Variants in NAV3 observed in about 807,000 individuals in gnomAD.
The protein encoded by NAV3 is pore membrane and/or filament interacting like protein 1.
Under a neutral mutation model 244.7 loss-of-function variants are expected in NAV3, and 87 were observed. The ratio of observed to expected loss-of-function variants is 0.36; its 90% CI spans 0.30 to 0.42. The LOEUF (loss-of-function observed/expected upper bound fraction) is 0.42. Ranked by LOEUF, NAV3 falls within the 20% of genes least tolerant of loss-of-function variation. The pLI, the probability that NAV3 is intolerant of heterozygous loss-of-function variation, is 1.00. For synonymous variants in NAV3, 1,126 were observed against 1,042.2 expected, an observed-to-expected ratio of 1.08 and a Z score of -1.55; for missense variants, 2,663 against 2,893.3, an observed-to-expected ratio of 0.92 and a Z score of 1.83.
intron 2 of NAV3, among the ~76,000 whole-genome samples, chr12:77,587,632 C>T (rs1217822954): frequency 6.6e-6 from 1 of 152,088 alleles, no homozygotes; most frequent in Non-Finnish European, 1.5e-5. Flanking sequence ...AGTTAGACAA[C>T]TTTAGTTACA....
At chr12:77,580,630 C>T (rs1254336547) in intron 2 of NAV3, among the ~76,000 whole-genome samples, 1 of 152,158 alleles carries the variant, frequency 6.6e-6, no homozygotes, top group Non-Finnish European at 1.5e-5. Context: ...ATTCATGGTA[C>T]ATTTTAATAG....
At chr12:77,888,661 C>CTGGTTGAATTATCTAATA (rs1213346266) in intron 1 of NAV3, among the ~76,000 whole-genome samples, 13 of 152,032 alleles carry the variant, frequency 8.6e-5, no homozygotes, top group Non-Finnish European at 1.5e-4. Context: ...GAGTCAATTC[C>CTGGTTGAATTATCTAATA]TGGTTGAATT....
intron 2 of NAV3, among the ~76,000 whole-genome samples, chr12:77,805,883 G>T (rs1871951689): frequency 6.6e-6 from 1 of 152,064 alleles, no homozygotes. Flanking sequence ...CTTCTTCCTG[G>T]TTTAGTCTTG....
At chr12:77,954,785 A>G (rs1456656885) in intron 3 of NAV3, among the ~76,000 whole-genome samples, 3 of 152,208 alleles carry the variant, frequency 2.0e-5, no homozygotes, top group East Asian at 1.9e-4. Context: ...ATATACTAAA[A>G]TAGGATTTTT....
Position 78,177,275 on chromosome 12 carries a change from T to C in NAV3, c.5259T>C (p.Cys1753=). The C allele has an allele frequency of 6.2e-7, 1 of 1,613,464 alleles. No individual in the cohort carries two copies. The highest frequency in any genetic ancestry group is 1.3e-5 in the African/African-American group (1 of 75,008). ...SPKLPHNAGD[C]GSASMKPSQS... ...AGTTACCCCATAATGCTGGTGACTGTGGCTCAGCATCCATGAAGCCCTCAC... is the reference window on the plus strand; with the variant it reads ...AGTTACCCCATAATGCTGGTGACTGCGGCTCAGCATCCATGAAGCCCTCAC... Residue 1753 remains cysteine, a synonymous_variant, in exon 27 of 40, where the codon TGT becomes TGC. Coordinates refer to ENST00000397909, the MANE Select transcript of NAV3 (RefSeq NM_001024383.2).
chr12:77,945,563 C>T (rs925663755), intron 3 of NAV3, among the ~76,000 whole-genome samples: 12 of 152,010 alleles, frequency 7.9e-5, no homozygotes, highest in Non-Finnish European at 2.9e-5. Context: ...TTACAACTTA[C>T]ATAAGTGTTA....
intron 2 of NAV3, among the ~76,000 whole-genome samples, chr12:77,781,825 T>C (rs1205479011): frequency 2.0e-5 from 3 of 152,174 alleles, no homozygotes; most frequent in Non-Finnish European, 4.4e-5. Flanking sequence ...ATCTGCTTCT[T>C]CAAAGAGAGA....
chr12:77,749,728 A>G (rs1868743049), intron 2 of NAV3, among the ~76,000 whole-genome samples: 1 of 152,184 alleles, frequency 6.6e-6, no homozygotes, highest in East Asian at 1.9e-4. Context: ...GAAGTCATGC[A>G]CTTGTTGCAT....
At chr12:77,810,595 A>G (rs1297666024) in intron 2 of NAV3, among the ~76,000 whole-genome samples, 1 of 152,144 alleles carries the variant, frequency 6.6e-6, no homozygotes, top group Non-Finnish European at 1.5e-5. Context: ...ATATTTTAAA[A>G]CTCAGTGACT....
At chr12:77,627,224 C>T (rs899538900) in intron 2 of NAV3, among the ~76,000 whole-genome samples, 4 of 151,936 alleles carry the variant, frequency 2.6e-5, no homozygotes, top group South Asian at 2.1e-4. Flanking sequence ...AAAACAAAAG[C>T]GTGCAGGAAC....
intron 2 of NAV3, among the ~76,000 whole-genome samples, chr12:77,749,062 A>G (rs975354660): frequency 1.3e-5 from 2 of 152,222 alleles, no homozygotes; most frequent in Non-Finnish European, 2.9e-5. Flanking sequence ...AACTCATACT[A>G]GAAACCATCC....
At chr12:77,571,877 A>G (rs1027113265) in exon 2 of NAV3, 1 of 152,184 alleles carries the variant, frequency 6.6e-6, no homozygotes, top group African/African-American at 2.4e-5. Context: ...GAAATCTGTC[A>G]TTTTTTATTA....
intron 11 of NAV3, among the ~76,000 whole-genome samples, chr12:78,055,540 G>A (rs573173875): frequency 1.3e-5 from 2 of 152,162 alleles, no homozygotes; most frequent in Admixed American, 6.5e-5. Context: ...TAAAACCCTC[G>A]CTGATGTTTC....
intron 5 of NAV3, among the ~76,000 whole-genome samples, chr12:77,982,449 GTTAA>G (rs1170419908): frequency 3.9e-5 from 6 of 152,148 alleles, no homozygotes; most frequent in Admixed American, 1.3e-4. Flanking sequence ...TAATAGACAT[GTTAA>G]TTAATTCAAC....
At chr12:77,999,953 A>G (rs1403614619) in intron 7 of NAV3, among the ~76,000 whole-genome samples, 1 of 152,246 alleles carries the variant, frequency 6.6e-6, no homozygotes, top group Non-Finnish European at 1.5e-5. Flanking sequence ...AAGCAACACG[A>G]TACCACCGTT....
Position 78,177,701 on chromosome 12 carries a change from A to T in NAV3, c.5363+16A>T. 1 of 1,595,670 alleles carries T rather than the reference A, an allele frequency of 6.3e-7. No homozygotes were observed. The highest frequency in any genetic ancestry group is 8.5e-7 in the Non-Finnish European group (1 of 1,178,082). On this transcript the variant is annotated intron_variant, in intron 28 of 39. Transcript: ENST00000397909. Reference sequence around the variant, plus strand: ...ATAGATCTCGGTAAAGTGGAGTGCGATGCATGAATACTGCAAAGATCCAGG... The same window carrying T: ...ATAGATCTCGGTAAAGTGGAGTGCGTTGCATGAATACTGCAAAGATCCAGG...
chr12:77,769,767 C>T (rs909852214), intron 2 of NAV3, among the ~76,000 whole-genome samples: 10 of 152,042 alleles, frequency 6.6e-5, no homozygotes, highest in African/African-American at 2.4e-4. Flanking sequence ...CAGTTACAGT[C>T]TTTATTATTA....
chr12:78,104,734 C>T (rs1253485124), intron 12 of NAV3, among the ~76,000 whole-genome samples: 3 of 152,132 alleles, frequency 2.0e-5, no homozygotes, highest in Non-Finnish European at 4.4e-5. Context: ...TTGACATATG[C>T]ATCAAGCCAT....
At chr12:77,644,976 G>C (rs188764523) in intron 2 of NAV3, among the ~76,000 whole-genome samples, 69 of 152,112 alleles carry the variant, frequency 4.5e-4, no homozygotes, top group Non-Finnish European at 6.9e-4. Flanking sequence ...CTTTACCCAA[G>C]GTCTCTAAAA....
Sources: gnomAD v4.1 joint callset for allele counts (sites outside exome capture counted in the v4.1 genomes callset) on GRCh38, gnomAD v4.1.1 for gene constraint, MANE v1.5 for transcripts, NCBI Gene and HGNC (gene_info 2026-07-23, HGNC 2026-07-21) for gene names.